The following BRCA2 variants were observed in gnomAD, a reference collection of about 807,000 sequenced individuals.
BRCA2 encodes the protein BRCA2 DNA repair associated.
A neutral mutation model predicts 276.7 loss-of-function variants in BRCA2; 203 were observed. The ratio of observed to expected loss-of-function variants is 0.73; its 90% CI spans 0.65 to 0.82. The LOEUF (loss-of-function observed/expected upper bound fraction) is 0.82, where lower values mean the gene tolerates loss of function less well. Ranked by LOEUF, BRCA2 falls within the 40% of genes least tolerant of loss-of-function variation. BRCA2 has a pLI of 0.00. For missense variants in BRCA2, 3,920 were observed against 3,915.0 expected, an observed-to-expected ratio of 1.00 and a Z score of -0.03; for synonymous variants, 1,289 against 1,338.4, an observed-to-expected ratio of 0.96 and a Z score of 0.81.
rs80358980 is a variant in BRCA2 at position 32,356,526 on chromosome 13, C to T, written c.7534C>T (p.Leu2512Phe). ...CTTTCCACAGCCAGGCAGTCTGTAT[C>T]TTGCAAAAACATCCACTCTGCCTCG... is the stretch of plus-strand genomic sequence containing the variant. The part of the protein sequence containing the change: ...RVFPQPGSLY[L>F]AKTSTLPRIS... The change falls in exon 15 of 27, where the codon CTT (leucine) becomes TTT (phenylalanine). Residue 2512 changes from leucine (L) to phenylalanine (F), a missense_variant. Leu to Phe is a conservative substitution (Grantham distance 22). This residue lies in a region of BRCA2 where 3,263 missense variants were observed against 3,156.9 expected (regional missense o/e 1.03). Coordinates refer to ENST00000380152, the MANE Select transcript of BRCA2 (RefSeq NM_000059.4). The T allele has an allele frequency of 4.1e-5, 66 of 1,614,224 alleles. 4 individuals are homozygous for T. In the Middle Eastern group the frequency reaches 7.6e-3, roughly 186 times the overall value.
intron 26 of BRCA2, 131 bp from the exon 27 acceptor site, chr13:32,398,031 A>T: frequency 1.1e-6 from 1 of 882,100 alleles, no homozygotes; most frequent in Non-Finnish European, 1.7e-6. Flanking sequence ...CACCTAACCT[A>T]TTAGGAGTTA....
chr13:32,334,639 A>G (rs912735221), intron 10 of BRCA2, among the ~76,000 whole-genome samples: 6 of 151,130 alleles, frequency 4.0e-5, no homozygotes, highest in Admixed American at 2.7e-4. Flanking sequence ...GTACCAGTGC[A>G]CTCCAGCCTG....
At position 32,357,797 on chromosome 13, in the gene BRCA2, A is replaced by T. The variant is rs398122589; in HGVS notation, c.7673A>T (p.Glu2558Val). The change falls in exon 16 of 27, where the codon GAG (glutamate) becomes GTG (valine). Residue 2558 changes from glutamate (E) to valine (V), a missense_variant. By Grantham distance (121) the Glu-to-Val change is moderately radical. Coordinates refer to ENST00000380152, the MANE Select transcript of BRCA2 (RefSeq NM_000059.4). Reference protein sequence around the residue: ...HCIKINSKNAESFQFHTEDYF... With the variant: ...HCIKINSKNAVSFQFHTEDYF... The stretch of plus-strand genomic sequence containing the variant: ...ATAAAAATTAACAGCAAAAATGCAG[A>T]GTCTTTTCAGTTTCACACTGAAGAT... 1 of 1,613,746 alleles carries T rather than the reference A, an allele frequency of 6.2e-7. No homozygotes were observed.
At chr13:32,315,950 A>G (rs1047866590) in intron 1 of BRCA2, among the ~76,000 whole-genome samples, 3 of 152,204 alleles carry the variant, frequency 2.0e-5, no homozygotes, top group Admixed American at 2.0e-4. Context: ...GCTGTCCCAG[A>G]TGACGCCATC....
chr13:32,328,962 T>A (rs190707935), intron 7 of BRCA2, among the ~76,000 whole-genome samples: 1 of 152,354 alleles, frequency 6.6e-6, no homozygotes, highest in Admixed American at 6.5e-5. Context: ...ACATTTTGTT[T>A]ATTCTAGCAA....
rs786203098 is a variant in BRCA2 at position 32,341,050 on chromosome 13, A to T, written c.6695A>T (p.Lys2232Ile). ...GAAACAGAAGCAGTAGAAATTGCTAAAGCTTTTATGGAAGATGATGAACTG... is the reference window on the plus strand; with the variant it reads ...GAAACAGAAGCAGTAGAAATTGCTATAGCTTTTATGGAAGATGATGAACTG... Reference protein sequence around the residue: ...YFETEAVEIAKAFMEDDELTD... With the variant: ...YFETEAVEIAIAFMEDDELTD... Residue 2232 changes from lysine (K) to isoleucine (I), a missense_variant, in exon 11 of 27, where the codon AAA (lysine) becomes ATA (isoleucine). Lys to Ile is a moderately radical substitution (Grantham distance 102). This residue lies in a region of BRCA2 where 3,263 missense variants were observed against 3,156.9 expected (regional missense o/e 1.03). Transcript: ENST00000380152. 1 of 1,613,854 alleles carries T rather than the reference A, an allele frequency of 6.2e-7. No individual in the cohort carries two copies. The highest frequency in any genetic ancestry group is 8.5e-7 in the Non-Finnish European group (1 of 1,179,938).
At position 32,390,441 on chromosome 13, in the gene BRCA2, A is replaced by G. The variant is rs561116584; in HGVS notation, c.9257-4248A>G. ...TCTATAAACATAAAAACTAAATTTA[A>G]AAAAAAAACTACTTTAAAACATAAT... On this transcript the variant is annotated intron_variant, in intron 24 of 26. Transcript: ENST00000380152. Among the ~76,000 whole-genome samples, 8 of 151,722 alleles carry G rather than the reference A, an allele frequency of 5.3e-5. No individual in the cohort carries two copies. The East Asian group carries it at 9.6e-4, about 18-fold the overall frequency.
chr13:32,329,592 AT>A, intron 8 of BRCA2, 100 bp downstream of exon 8: 1 of 982,036 alleles, frequency 1.0e-6, no homozygotes, highest in Non-Finnish European at 1.6e-6. Context: ...CTAATCTGTA[AT>A]TTATCTAAGC....
intron 7 of BRCA2, among the ~76,000 whole-genome samples, chr13:32,327,309 G>A (rs1257348413): frequency 6.6e-6 from 1 of 152,102 alleles, no homozygotes; most frequent in Non-Finnish European, 1.5e-5. Flanking sequence ...TTGGCCAGGT[G>A]TGGTAACACA....
intron 18 of BRCA2, among the ~76,000 whole-genome samples, chr13:32,365,721 C>CTTTTTTTTTTTTTTTTTTTTTTTTTCT (rs36116910): frequency 1.9e-5 from 2 of 105,882 alleles, no homozygotes; most frequent in African/African-American, 7.2e-5. Context: ...ACTTTGGTGT[C>CTTTTTTTTTTTTTTTTTTTTTTTTTCT]TTTTTTTTTT....
intron 9 of BRCA2, 89 bp downstream of exon 9, chr13:32,331,119 C>G (rs775145839): frequency 1.1e-6 from 1 of 928,218 alleles, no homozygotes; most frequent in African/African-American, 1.7e-5. Flanking sequence ...CTCTGTCACC[C>G]GTGATCTCGG....
chr13:32,349,978 G>T (rs1435259353), intron 13 of BRCA2, among the ~76,000 whole-genome samples: 4 of 152,162 alleles, frequency 2.6e-5, no homozygotes, highest in Non-Finnish European at 5.9e-5. Flanking sequence ...TTGAAAGCAA[G>T]AAGAAGTTAA....
intron 2 of BRCA2, among the ~76,000 whole-genome samples, chr13:32,317,373 G>T (rs2072270967): frequency 6.6e-6 from 1 of 152,168 alleles, no homozygotes; most frequent in Non-Finnish European, 1.5e-5. Flanking sequence ...GCTAAATAGA[G>T]ATAGCTGGAT....
At chr13:32,375,846 C>A (rs1471311812) in intron 20 of BRCA2, among the ~76,000 whole-genome samples, 1 of 152,056 alleles carries the variant, frequency 6.6e-6, no homozygotes, top group African/African-American at 2.4e-5. Flanking sequence ...AGGTGTAAGC[C>A]ACCGTACCCG....
At chr13:32,345,333 A>G (rs1390475081) in intron 12 of BRCA2, among the ~76,000 whole-genome samples, 3 of 152,116 alleles carry the variant, frequency 2.0e-5, no homozygotes, top group Non-Finnish European at 4.4e-5. Flanking sequence ...CAAGCATAAT[A>G]TACCAACAGT....
rs547552048 is a variant in BRCA2, at chr13:32,385,327, C to T, written c.9256+5182C>T. The T allele has an allele frequency of 5.1e-4, 111 of 217,044 alleles. No individual in the cohort carries two copies. In the South Asian group the frequency reaches 9.0e-3, roughly 18 times the overall value. 13.4% of individuals were successfully genotyped at this position (217,044 alleles called of 1,614,324 possible). On this transcript the variant is annotated intron_variant, in intron 24 of 26. Transcript: ENST00000380152. ...AGATGATAGATATAGTAAGGTTCTT[C>T]TTGCCCTGAAGCTTTGGGATGAAGG...
chr13:32,333,420 C>T (rs2137476489), intron 10 of BRCA2, 33 bp downstream of exon 10: 1 of 1,590,222 alleles, frequency 6.3e-7, no homozygotes, highest in South Asian at 1.2e-5. Flanking sequence ...GTAAATAGTA[C>T]ATATAGTTTT....
At chr13:32,365,659 T>G (rs549977481) in intron 18 of BRCA2, among the ~76,000 whole-genome samples, 1 of 151,260 alleles carries the variant, frequency 6.6e-6, no homozygotes, top group Non-Finnish European at 1.5e-5. Flanking sequence ...ATTACGGGCA[T>G]GAGCCACCAC....
At position 32,316,310 on chromosome 13, in the gene BRCA2, A is replaced by C. The variant is rs1327350417; in HGVS notation, c.-39-112A>C. On this transcript the variant is annotated intron_variant, in intron 1 of 26. Coordinates refer to ENST00000380152, the MANE Select transcript of BRCA2 (RefSeq NM_000059.4). ...CAGTAAGCTGTTACCGTTCCAGGAG[A>C]TGGGACTGAATTAGAATTCAAACAA... The C allele has an allele frequency of 8.2e-6, 6 of 730,186 alleles. No individual in the cohort carries two copies. In the East Asian group the frequency reaches 1.3e-4, roughly 16 times the overall value. 45.2% of individuals were successfully genotyped at this position (730,186 alleles called of 1,614,324 possible). A position where few individuals can be genotyped will look rare whatever the true frequency, so the allele number is the denominator to read the frequency against.
Sources: gnomAD v4.1 joint callset for allele counts (sites outside exome capture counted in the v4.1 genomes callset) on GRCh38, gnomAD v4.1.1 for gene constraint, gnomAD v4.1.1 regional missense constraint, MANE v1.5 for transcripts, NCBI Gene and HGNC (gene_info 2026-07-23, HGNC 2026-07-21) for gene names.